Variants in R3HCC1L observed in about 807,000 individuals in gnomAD.
R3HCC1L encodes R3H domain and coiled-coil containing 1 like, also known as coiled-coil domain-containing protein R3HCC1L.
A neutral mutation model predicts 59.9 loss-of-function variants in R3HCC1L; 51 were observed. That is an observed-to-expected ratio of 0.85 (90% confidence interval 0.68 to 1.07). R3HCC1L has a LOEUF of 1.07. R3HCC1L is among the 50% of genes least tolerant of loss of function. The probability of loss-of-function intolerance (pLI) is 0.00; values close to 1 mark genes in which losing one functional copy is unlikely to be tolerated. For synonymous variants in R3HCC1L, 322 were observed against 315.2 expected, an observed-to-expected ratio of 1.02 and a Z score of -0.23; for missense variants, 965 against 933.0, an observed-to-expected ratio of 1.03 and a Z score of -0.45.
intron 5 of R3HCC1L, among the ~76,000 whole-genome samples, chr10:98,226,945 T>A (rs149539984): frequency 1.2e-3 from 188 of 152,350 alleles, no homozygotes; most frequent in Non-Finnish European, 2.1e-3. Flanking sequence ...GATAAGCAGT[T>A]TCCCTTGTTA....
At chr10:98,137,880 C>CTTATTT (rs1289754463) in intron 1 of R3HCC1L, among the ~76,000 whole-genome samples, 3 of 152,082 alleles carry the variant, frequency 2.0e-5, no homozygotes, top group South Asian at 4.1e-4. Flanking sequence ...GTCTTCCTGC[C>CTTATTT]TTATTTTTAT....
intron 1 of R3HCC1L, among the ~76,000 whole-genome samples, chr10:98,152,318 A>C (rs1025879408): frequency 6.6e-6 from 1 of 151,940 alleles, no homozygotes; most frequent in Non-Finnish European, 1.5e-5. Flanking sequence ...TCCACCTCCC[A>C]GCCGCCTGCC....
chr10:98,193,596 A>G (rs1433600355), intron 4 of R3HCC1L, among the ~76,000 whole-genome samples: 3 of 152,192 alleles, frequency 2.0e-5, no homozygotes, highest in African/African-American at 7.2e-5. Context: ...CATTGCTGAA[A>G]GAAATTAAAG....
chr10:98,233,722 A>G (rs967399840), intron 6 of R3HCC1L, among the ~76,000 whole-genome samples: 7 of 152,172 alleles, frequency 4.6e-5, no homozygotes, highest in Admixed American at 3.3e-4. Flanking sequence ...CTCCAAAATA[A>G]AAGTGTTTTT....
At chr10:98,235,656 A>C in intron 8 of R3HCC1L, 136 bp downstream of exon 8, 1 of 764,070 alleles carries the variant, frequency 1.3e-6, no homozygotes, top group Non-Finnish European at 2.0e-6. Flanking sequence ...TTTTAAGAAA[A>C]AATAAATAAA....
intron 4 of R3HCC1L, among the ~76,000 whole-genome samples, chr10:98,188,504 A>G (rs1340656250): frequency 6.6e-6 from 1 of 152,160 alleles, no homozygotes; most frequent in Non-Finnish European, 1.5e-5. Flanking sequence ...CCATTATAGG[A>G]TAGGCTCAGT....
At chr10:98,207,623 C>A (rs920039849) in intron 4 of R3HCC1L, among the ~76,000 whole-genome samples, 3 of 151,940 alleles carry the variant, frequency 2.0e-5, no homozygotes, top group African/African-American at 7.3e-5. Flanking sequence ...TAAGTCATTT[C>A]ATTTTCTAGC....
At position 98,209,508 on chromosome 10, in the gene R3HCC1L, GC is replaced by G. The variant is rs774165194; in HGVS notation, c.1395del (p.Leu466CysfsTer10). The G allele has an allele frequency of 6.2e-7, 1 of 1,613,760 alleles. No individual in the cohort carries two copies. Among genetic ancestry groups the G allele is most frequent in the Non-Finnish European group, 8.5e-7 (1 of 1,179,956 alleles). Reference protein sequence around the residue: ...FTESTGKLIESLSDCASSLPI... With the variant: ...FTESTGKLIEXLSDCASSLPI... ...GAGTCAACAGGAAAGTTGATAGAGAGCTTGTCAGATTGTGCTTCCTCCTTAC... is the reference window on the plus strand; with the variant it reads ...GAGTCAACAGGAAAGTTGATAGAGAGTTGTCAGATTGTGCTTCCTCCTTAC... On this transcript the variant is annotated frameshift_variant, in exon 5 of 10. Coordinates refer to ENST00000298999, the MANE Select transcript of R3HCC1L (RefSeq NM_001351015.2). LOFTEE classifies it high-confidence loss of function.
chr10:98,187,303 G>GT (rs1850315806), intron 4 of R3HCC1L, among the ~76,000 whole-genome samples: 1 of 152,034 alleles, frequency 6.6e-6, no homozygotes, highest in African/African-American at 2.4e-5. Context: ...TTTCCTTTGA[G>GT]TGTCATGTCG....
At chr10:98,187,422 G>T (rs1258324774) in intron 4 of R3HCC1L, among the ~76,000 whole-genome samples, 1 of 151,232 alleles carries the variant, frequency 6.6e-6, no homozygotes, top group Non-Finnish European at 1.5e-5. Context: ...ATAATCATAG[G>T]TCTCTTAATC....
At chr10:98,216,989 G>A (rs1219383541) in intron 5 of R3HCC1L, among the ~76,000 whole-genome samples, 1 of 152,128 alleles carries the variant, frequency 6.6e-6, no homozygotes, top group Admixed American at 6.5e-5. Context: ...AAGATAATAT[G>A]TTCAGTGGGG....
intron 4 of R3HCC1L, chr10:98,186,457 T>A: frequency 1.1e-6 from 1 of 939,200 alleles, no homozygotes; most frequent in Non-Finnish European, 1.3e-6. Context: ...AATTTCCTTG[T>A]TTTTTCCAGA....
intron 4 of R3HCC1L, among the ~76,000 whole-genome samples, chr10:98,196,628 A>G (rs1358304498): frequency 6.6e-6 from 1 of 152,020 alleles, no homozygotes; most frequent in Non-Finnish European, 1.5e-5. Context: ...ATCAGTCCAT[A>G]AAGTTTTGTT....
chr10:98,173,995 C>G (rs1590549226), intron 4 of R3HCC1L, among the ~76,000 whole-genome samples: 1 of 152,160 alleles, frequency 6.6e-6, no homozygotes, highest in Non-Finnish European at 1.5e-5. Flanking sequence ...TATGCCTGCA[C>G]TCAATACTGT....
intron 5 of R3HCC1L, chr10:98,211,280 C>G (rs1387960182): frequency 7.2e-7 from 1 of 1,382,726 alleles, no homozygotes; most frequent in Non-Finnish European, 9.9e-7. Context: ...TTTAGCCCAG[C>G]AAACTGTCTA....
intron 9 of R3HCC1L, among the ~76,000 whole-genome samples, chr10:98,241,204 G>A (rs879722311): frequency 4.6e-5 from 7 of 152,022 alleles, no homozygotes; most frequent in Non-Finnish European, 7.4e-5. Context: ...TTGACCAGAC[G>A]CGTTCTTCAC....
At chr10:98,214,065 T>G (rs1324672003) in intron 5 of R3HCC1L, among the ~76,000 whole-genome samples, 2 of 152,222 alleles carry the variant, frequency 1.3e-5, no homozygotes, top group African/African-American at 2.4e-5. Context: ...TTTTTGTTTT[T>G]GTAACCAGGT....
chr10:98,188,168 C>G (rs1850435012), intron 4 of R3HCC1L, among the ~76,000 whole-genome samples: 1 of 152,102 alleles, frequency 6.6e-6, no homozygotes, highest in South Asian at 2.1e-4. Flanking sequence ...CTTTTGTGCT[C>G]ATTTATTTAA....
intron 4 of R3HCC1L, among the ~76,000 whole-genome samples, chr10:98,172,723 C>T (rs1335452183): frequency 6.6e-6 from 1 of 152,206 alleles, no homozygotes; most frequent in Non-Finnish European, 1.5e-5. Flanking sequence ...CCACAAAGCA[C>T]AGCACTGGGG....
Sources: allele counts gnomAD v4.1 joint callset (sites outside exome capture counted in the v4.1 genomes callset), GRCh38; gene constraint gnomAD v4.1.1; transcripts MANE v1.5; gene names NCBI Gene and HGNC (gene_info 2026-07-23, HGNC 2026-07-21).